The following SYNE2 variants were observed in gnomAD, a reference collection of about 807,000 sequenced individuals.
SYNE2 encodes nesprin-2.
In SYNE2, 431 loss-of-function variants were observed where a neutral mutation model predicts 856.3. The observed-to-expected ratio is 0.50, with a 90% confidence interval of 0.47 to 0.55. The LOEUF is 0.55. Among genes scored for constraint, SYNE2 ranks in the 20% least tolerant of loss-of-function variants. SYNE2 has a pLI of 0.00. For synonymous variants in SYNE2, 2,923 were observed against 2,872.3 expected (o/e 1.02, Z -0.56); for missense variants, 8,129 against 8,023.2 (o/e 1.01, Z -0.50).
At chr14:64,041,698 A>T (rs1022374208) in intron 45 of SYNE2, among the ~76,000 whole-genome samples, 2 of 152,048 alleles carry the variant, frequency 1.3e-5, no homozygotes, top group Non-Finnish European at 1.5e-5. Context: ...AAAATTTTTT[A>T]AATTAGTTGG....
intron 99 of SYNE2, among the ~76,000 whole-genome samples, chr14:64,199,715 A>C (rs999485247): frequency 5.2e-5 from 4 of 77,500 alleles, no homozygotes. Flanking sequence ...CTCTGTCTCA[A>C]AAAAAAAAAA....
rs753123786 is a variant in SYNE2, at chr14:64,130,092, A to G, written c.14184A>G (p.Thr4728=). 40 of 1,614,176 alleles carry G rather than the reference A, an allele frequency of 2.5e-5. No homozygotes were observed. The East Asian group carries it at 4.2e-4, about 17-fold the overall frequency. ...SMWGMLRARY[T]ELSSPFVTES... Reference sequence around the variant, plus strand: ...GGGGAATGCTAAGAGCCAGGTACACAGAACTCAGCAGCCCTTTCGTCACTG... The same window carrying G: ...GGGGAATGCTAAGAGCCAGGTACACGGAACTCAGCAGCCCTTTCGTCACTG... Residue 4728 remains threonine (T), a synonymous_variant, in exon 76 of 116, where the codon ACA becomes ACG. Coordinates refer to ENST00000555002, the MANE Select transcript of SYNE2 (RefSeq NM_182914.3).
chr14:64,226,435 T>G (rs946071946), downstream of SYNE2: 2 of 152,598 alleles, frequency 1.3e-5, no homozygotes, highest in Admixed American at 6.5e-5. Flanking sequence ...TTAGCCAGAC[T>G]TCTGTTGTAC....
At chr14:64,168,773 C>G in intron 92 of SYNE2, 104 bp from the exon 93 acceptor site, 2 of 775,856 alleles carry the variant, frequency 2.6e-6, no homozygotes, top group South Asian at 3.1e-5. Flanking sequence ...AATTAATTAT[C>G]CCTCATATCC....
chr14:64,025,428 C>T lies in SYNE2; in HGVS notation c.6252+7C>T. 1.2e-6 allele frequency: 2 copies of T among 1,609,592 alleles called. No homozygotes were observed. Among genetic ancestry groups the T allele is most frequent in the African/African-American group, 1.3e-5 (1 of 74,988 alleles). On this transcript the variant is annotated splice_region_variant and intron_variant, in intron 41 of 115. Transcript: ENST00000555002. ...AAGAATCCAAAAAATCAAGGTATAA[C>T]TATGGAAACTAAATTTCAGAAGTCT...
In SYNE2 at chr14:63,775,595, T is replaced by G. The variant is rs142680926; in HGVS notation, c.-305+13609T>G. On this transcript the variant is annotated intron_variant, in intron 1 of 23. Coordinates refer to the SYNE2 transcript ENST00000674003. ...CAGACCTATTTTATTTATTACTATTTTTTGAGACAGGGTCTCACTCTGTTA... is the reference window on the plus strand; with the variant it reads ...CAGACCTATTTTATTTATTACTATTGTTTGAGACAGGGTCTCACTCTGTTA... Among the ~76,000 whole-genome samples the G allele has an allele frequency of 2.1e-3, 320 of 152,226 alleles. 1 individual carries two copies. The highest frequency in any genetic ancestry group is 6.8e-3 in the African/African-American group (282 of 41,540).
In SYNE2 at chr14:64,186,454, C is replaced by A; in HGVS notation, c.17587C>A (p.Gln5863Lys). The A allele has an allele frequency of 6.2e-7, 1 of 1,614,222 alleles. No homozygotes were observed. Among genetic ancestry groups the A allele is most frequent in the Non-Finnish European group, 8.5e-7 (1 of 1,180,034 alleles). ...ELEQSLASWTQNLKELQTMKA... is the reference protein window; with the variant it reads ...ELEQSLASWTKNLKELQTMKA... ...AGAACAGTCTTTGGCTAGCTGGACT[C>A]AGAACTTGAAAGAACTTCAAACTAT... Residue 5863 changes from glutamine (Q) to lysine (K), a missense_variant, in exon 97 of 116, where the codon CAG becomes AAG. Gln to Lys is a moderately conservative substitution (Grantham distance 53). Around this residue, in one of 3 missense-constraint regions of SYNE2, gnomAD observed 5,410 missense variants for 5,284.8 expected, o/e 1.02. Coordinates refer to ENST00000555002, the MANE Select transcript of SYNE2 (RefSeq NM_182914.3).
At chr14:63,994,647 T>G (rs1031228122) in intron 22 of SYNE2, among the ~76,000 whole-genome samples, 2 of 152,250 alleles carry the variant, frequency 1.3e-5, no homozygotes, top group Admixed American at 6.5e-5. Context: ...TAGTATTAAC[T>G]AAAGTTTGCA....
intron 61 of SYNE2, 146 bp from the exon 62 acceptor site, chr14:64,097,803 C>T: frequency 1.3e-6 from 1 of 784,718 alleles, no homozygotes; most frequent in Admixed American, 2.1e-5. Context: ...TGGAAAGGAG[C>T]TATACCGTAC....
At chr14:64,011,114 C>G (rs1447952442) in intron 32 of SYNE2, among the ~76,000 whole-genome samples, 3 of 143,574 alleles carry the variant, frequency 2.1e-5, no homozygotes, top group African/African-American at 7.6e-5. Context: ...TTATCTAGAA[C>G]TATTAACCCT....
At chr14:64,050,792 G>A (rs1033014310) in intron 47 of SYNE2, among the ~76,000 whole-genome samples, 1 of 152,132 alleles carries the variant, frequency 6.6e-6, no homozygotes, top group Non-Finnish European at 1.5e-5. Context: ...GCTGAGGCAG[G>A]TGGATCACTT....
At chr14:63,821,220 T>C (rs1374185456) in intron 1 of SYNE2, among the ~76,000 whole-genome samples, 1 of 152,124 alleles carries the variant, frequency 6.6e-6, no homozygotes, top group Non-Finnish European at 1.5e-5. Flanking sequence ...AAGACAATAT[T>C]ATAAAAATCT....
chr14:63,806,121 A>G (rs1316821800), intron 1 of SYNE2, among the ~76,000 whole-genome samples: 1 of 152,174 alleles, frequency 6.6e-6, no homozygotes, highest in Non-Finnish European at 1.5e-5. Flanking sequence ...TGGGTTTGTC[A>G]TAGATGGCTC....
Position 63,967,812 on chromosome 14 carries a change from A to T in SYNE2, c.1094A>T (p.Gln365Leu), listed in dbSNP as rs1275306114. 10 of 1,614,030 alleles carry T rather than the reference A, an allele frequency of 6.2e-6. No individual in the cohort carries two copies. The Admixed American group carries it at 1.7e-4, about 27-fold the overall frequency. The change falls in exon 11 of 116, where the codon CAG (glutamine) becomes CTG (leucine). Residue 365 changes from glutamine to leucine, a missense_variant. Gln to Leu is a moderately radical substitution (Grantham distance 113). Coordinates refer to ENST00000555002, the MANE Select transcript of SYNE2 (RefSeq NM_182914.3). ...GATGAGCTGGACAAGGATCATTTAC[A>T]GTTGAGAGAAGCCTGGGATGGCCTC... ...DLDELDKDHL[Q>L]LREAWDGLDH...
At chr14:63,943,449 A>G (rs1300645727) in intron 6 of SYNE2, among the ~76,000 whole-genome samples, 1 of 152,192 alleles carries the variant, frequency 6.6e-6, no homozygotes, top group East Asian at 1.9e-4. Context: ...AACTAGAAAA[A>G]TAGCATAACT....
At chr14:64,179,090 ATACATAAATTTTAAAAC>A (rs1308371376) in intron 96 of SYNE2, among the ~76,000 whole-genome samples, 1 of 152,140 alleles carries the variant, frequency 6.6e-6, no homozygotes, top group Admixed American at 6.5e-5. Context: ...AGTAAACAAA[ATACATAAATTTTAAAAC>A]TTTATATAAG....
intron 1 of SYNE2, among the ~76,000 whole-genome samples, chr14:63,768,233 G>A (rs1000590167): frequency 6.6e-6 from 1 of 151,906 alleles, no homozygotes; most frequent in Admixed American, 6.6e-5. Context: ...ACACATCTCT[G>A]CCTACAACTG....
At chr14:64,138,977 GTGTA>G (rs1213155970) in intron 79 of SYNE2, among the ~76,000 whole-genome samples, 15 of 134,590 alleles carry the variant, frequency 1.1e-4, no homozygotes, top group Non-Finnish European at 2.2e-4. Flanking sequence ...GTGTGTGTGT[GTGTA>G]TGTAATTTTA....
intron 8 of SYNE2, among the ~76,000 whole-genome samples, chr14:63,958,325 T>C (rs764021158): frequency 2.6e-5 from 4 of 152,232 alleles, no homozygotes; most frequent in African/African-American, 4.8e-5. Flanking sequence ...TCATATCTCC[T>C]GTGACTCCTC....
Sources: gnomAD v4.1 joint callset for allele counts (sites outside exome capture counted in the v4.1 genomes callset) on GRCh38, gnomAD v4.1.1 for gene constraint, gnomAD v4.1.1 regional missense constraint, MANE v1.5 for transcripts, NCBI Gene and HGNC (gene_info 2026-07-23, HGNC 2026-07-21) for gene names.